COL18A1: variants seen among roughly 807,000 people sequenced by gnomAD.
The protein encoded by COL18A1 is collagen type XVIII alpha 1 chain.
A neutral mutation model predicts 168.0 loss-of-function variants in COL18A1; 133 were observed. The ratio of observed to expected loss-of-function variants is 0.79; its 90% CI spans 0.69 to 0.91. The LOEUF is 0.91. Ranked by LOEUF, COL18A1 falls within the 40% of genes least tolerant of loss-of-function variation. The pLI is 0.00. For missense variants in COL18A1, 2,126 were observed against 1,925.4 expected (o/e 1.10, Z -1.95); for synonymous variants, 949 against 809.0 (o/e 1.17, Z -2.94).
chr21:45,490,327 A>G lies in COL18A1; in HGVS notation c.2012A>G (p.Glu671Gly). The G allele has an allele frequency of 6.3e-7, 1 of 1,585,126 alleles. No individual in the cohort carries two copies. The highest frequency in any genetic ancestry group is 2.3e-5 in the East Asian group (1 of 43,576). ...VPGFPGLPGR[E>G]GIAGPQGPKG... Reference sequence around the variant, plus strand: ...GGGTTCCCCGGCCTCCCTGGCAGAGAGGGCATTGCTGGGCCCCAGGTGAGT... The same window carrying G: ...GGGTTCCCCGGCCTCCCTGGCAGAGGGGGCATTGCTGGGCCCCAGGTGAGT... The change falls in exon 20 of 42, where the codon GAG (glutamate) becomes GGG (glycine). Residue 671 changes from glutamate (E) to glycine (G), a missense_variant. Transcript: ENST00000651438.
chr21:45,472,837 G>A (rs1384937561), intron 3 of COL18A1, among the ~76,000 whole-genome samples: 7 of 152,042 alleles, frequency 4.6e-5, no homozygotes, highest in Non-Finnish European at 8.8e-5. Flanking sequence ...GCGTGCATAC[G>A]TGATCTCATG....
chr21:45,466,196 G>A (rs2035203493), intron 2 of COL18A1, among the ~76,000 whole-genome samples: 1 of 152,174 alleles, frequency 6.6e-6, no homozygotes, highest in Non-Finnish European at 1.5e-5. Context: ...GAGGGGCGGG[G>A]ACGTTCCACA....
At chr21:45,458,318 C>T (rs972091318) in intron 2 of COL18A1, among the ~76,000 whole-genome samples, 7 of 150,694 alleles carry the variant, frequency 4.6e-5, no homozygotes, top group South Asian at 2.1e-4. Flanking sequence ...ACCGTGCCCA[C>T]GGCTGTTGGC....
Position 45,480,809 on chromosome 21 carries a change from T to C in COL18A1, c.1562T>C (p.Leu521Pro). The C allele has an allele frequency of 6.2e-7, 1 of 1,612,060 alleles. No homozygotes were observed. The highest frequency in any genetic ancestry group is 1.1e-5 in the South Asian group (1 of 91,026). Residue 521 changes from leucine (L) to proline (P), a missense_variant, in exon 13 of 42, where the codon CTT becomes CCT. Physicochemically the swap from Leu to Pro is moderately conservative, Grantham distance 98 (BLOSUM62 -3). Coordinates refer to ENST00000651438, the MANE Select transcript of COL18A1 (RefSeq NM_001379500.1). ...NSSDVPGPAGLPGVPGREGPP... is the reference protein window; with the variant it reads ...NSSDVPGPAGPPGVPGREGPP... ...TCCGACGTCCCAGGACCCGCCGGCC[T>C]TCCTGGTGTGCCTGGGCGCGAGGGT...
intron 2 of COL18A1, among the ~76,000 whole-genome samples, chr21:45,454,417 C>T (rs922688210): frequency 7.9e-5 from 12 of 151,850 alleles, no homozygotes; most frequent in African/African-American, 2.2e-4. Context: ...GGCAGGGTGA[C>T]GAGGGACTCC....
In COL18A1 at chr21:45,480,169, C is replaced by T. The variant is rs968016938; in HGVS notation, c.1398+13C>T. On this transcript the variant is annotated intron_variant, in intron 11 of 41. Coordinates refer to ENST00000651438, the MANE Select transcript of COL18A1 (RefSeq NM_001379500.1). ...ACACGACAAGCTGGTAAGTCCCGCC[C>T]TTGGCTTCCTGCGACCCGGGGTCTG... is the stretch of plus-strand genomic sequence containing the variant. 2.0e-6 allele frequency: 3 copies of T among 1,490,588 alleles called. No individual in the cohort carries two copies. The highest frequency in any genetic ancestry group is 2.8e-6 in the Non-Finnish European group (3 of 1,073,946). The allele number at this position is 1,490,588 out of a possible 1,614,324, so 92.3% of individuals were successfully genotyped here. A position where few individuals can be genotyped will look rare whatever the true frequency, so the allele number is the denominator to read the frequency against.
At chr21:45,505,747 GCCCAGCA>G in intron 36 of COL18A1, 84 bp from the exon 37 acceptor site, 1 of 1,089,064 alleles carries the variant, frequency 9.2e-7, no homozygotes, top group Non-Finnish European at 1.3e-6. Context: ...TGCGGCCCCT[GCCCAGCA>G]CCCTGAAACG....
rs193246890 is a variant in COL18A1 at position 45,438,482 on chromosome 21, C to T, written c.107-29760C>T. On this transcript the variant is annotated intron_variant, in intron 2 of 41. Transcript: ENST00000651438. ...GTGCCTGGGCACGGAGTGCCGGTCA[C>T]ACTGTGCACCCATCCTTGTTTTCTC... 1.5e-3 allele frequency among the ~76,000 whole-genome samples: 235 copies of T among 152,354 alleles called. 1 individual carries two copies. Among genetic ancestry groups the T allele is most frequent in the African/African-American group, 5.5e-3 (228 of 41,582 alleles).
intron 2 of COL18A1, among the ~76,000 whole-genome samples, chr21:45,411,772 G>C (rs1189090039): frequency 7.4e-6 from 1 of 135,274 alleles, no homozygotes; most frequent in Non-Finnish European, 1.6e-5. Context: ...GGGGTGGGGG[G>C]GGGGCAGGCT....
At chr21:45,485,852 C>T (rs1283096280) in intron 15 of COL18A1, among the ~76,000 whole-genome samples, 3 of 152,252 alleles carry the variant, frequency 2.0e-5, no homozygotes, top group African/African-American at 7.2e-5. Context: ...CATATCAAGG[C>T]AGCGGGTCAC....
intron 2 of COL18A1, among the ~76,000 whole-genome samples, chr21:45,452,952 A>G (rs2034673093): frequency 6.6e-6 from 1 of 151,384 alleles, no homozygotes; most frequent in East Asian, 1.9e-4. Flanking sequence ...GCATGTATGT[A>G]CATGTGTGAC....
rs1419204674 is a variant in COL18A1 at position 45,471,074 on chromosome 21, C to T, written c.651+2288C>T. ...GCGCTACGGGCCTTGTGCTGCTGGG[C>T]CTGGGTGGCGCGCTACGGGCCGTGT... On this transcript the variant is annotated intron_variant, in intron 3 of 41. Coordinates refer to ENST00000651438, the MANE Select transcript of COL18A1 (RefSeq NM_001379500.1). This position sits in a 1 kb window ranked among gnomAD's most constrained non-coding sequence, Gnocchi z 4.4. Among the ~76,000 whole-genome samples the T allele has an allele frequency of 7.8e-6, 1 of 127,456 alleles. No homozygotes were observed. Among genetic ancestry groups the T allele is most frequent in the Non-Finnish European group, 1.8e-5 (1 of 54,420 alleles). 83.6% of individuals were successfully genotyped at this position (127,456 alleles called of 152,430 possible).
Position 45,471,785 on chromosome 21 carries a change from C to CT in COL18A1, c.652-2109dup, listed in dbSNP as rs1235926005. On this transcript the variant is annotated intron_variant, in intron 3 of 41. Coordinates refer to ENST00000651438, the MANE Select transcript of COL18A1 (RefSeq NM_001379500.1). This position sits in a 1 kb window ranked among gnomAD's most constrained non-coding sequence, Gnocchi z 4.4. ...TGTCCTGATTTCCAGGGCGCTGAGGCTGCAGCGTGTCGGGAAGCATTTTAC... is the reference window on the plus strand; with the variant it reads ...TGTCCTGATTTCCAGGGCGCTGAGGCTTGCAGCGTGTCGGGAAGCATTTTAC... Among the ~76,000 whole-genome samples, 2 of 152,094 alleles carry CT rather than the reference C, an allele frequency of 1.3e-5. No homozygotes were observed. Among genetic ancestry groups the CT allele is most frequent in the Non-Finnish European group, 2.9e-5 (2 of 68,036 alleles).
rs1439007572 is a variant in COL18A1 at position 45,486,986 on chromosome 21, T to C, written c.1827T>C (p.Ala609=). 2.0e-6 allele frequency: 3 copies of C among 1,522,424 alleles called. No homozygotes were observed. Among genetic ancestry groups the C allele is most frequent in the Admixed American group, 2.1e-5 (1 of 46,734 alleles). The allele number at this position is 1,522,424 out of a possible 1,614,324, so 94.3% of individuals were successfully genotyped here. Residue 609 remains alanine (A), a synonymous_variant, in exon 16 of 42, where the codon GCT becomes GCC. Coordinates refer to ENST00000651438, the MANE Select transcript of COL18A1 (RefSeq NM_001379500.1). ...PPGPPGPGLP[A]GFDDMEGSGG... ...GGCCCCCAGGACCAGGACTCCCCGC[T>C]GGATTTGTGAGTACCGCCTACACCT...
Position 45,494,689 on chromosome 21 carries a change from G to A in COL18A1, c.2379+118G>A, listed in dbSNP as rs570056357. 39 of 1,484,520 alleles carry A rather than the reference G, an allele frequency of 2.6e-5. No individual in the cohort carries two copies. The African/African-American group carries it at 5.3e-4, about 20-fold the overall frequency. 92.0% of individuals were successfully genotyped at this position (1,484,520 alleles called of 1,614,324 possible). On this transcript the variant is annotated intron_variant, in intron 27 of 41. Coordinates refer to ENST00000651438, the MANE Select transcript of COL18A1 (RefSeq NM_001379500.1). The stretch of plus-strand genomic sequence containing the variant: ...GCCCAGGGCTCATCTCCCTAGTGCA[G>A]TTTTAAAGCGTGTGGGGCAGGTGTC...
At chr21:45,484,894 T>A (rs1001429558) in intron 15 of COL18A1, among the ~76,000 whole-genome samples, 2 of 152,004 alleles carry the variant, frequency 1.3e-5, no homozygotes, top group African/African-American at 2.4e-5. Context: ...ATGAAAGTTT[T>A]AAAAAAACAA....
At chr21:45,470,706 C>T (rs558269529) in intron 3 of COL18A1, among the ~76,000 whole-genome samples, 3 of 152,160 alleles carry the variant, frequency 2.0e-5, no homozygotes, top group East Asian at 1.9e-4. Flanking sequence ...AGGCTGGTCT[C>T]GAACTCCCGA....
chr21:45,466,488 G>C lies in COL18A1; in HGVS notation c.107-1754G>C, dbSNP rs997859914. 2.6e-5 allele frequency among the ~76,000 whole-genome samples: 4 copies of C among 152,330 alleles called. No homozygotes were observed. The East Asian group carries it at 7.7e-4, about 29-fold the overall frequency. ...TCGCACCCGGGAAGGCTGAGCTCTC[G>C]CACCCGGGAAGGCTGAGCTCTCGAA... On this transcript the variant is annotated intron_variant, in intron 2 of 41. Coordinates refer to ENST00000651438, the MANE Select transcript of COL18A1 (RefSeq NM_001379500.1).
intron 3 of COL18A1, among the ~76,000 whole-genome samples, chr21:45,469,000 T>C (rs1416016102): frequency 6.6e-6 from 1 of 152,200 alleles, no homozygotes; most frequent in Admixed American, 6.5e-5. Flanking sequence ...CCGGCCTGGC[T>C]GGGGTGGCAT....
Sources: allele counts gnomAD v4.1 joint callset (sites outside exome capture counted in the v4.1 genomes callset), GRCh38; gene constraint gnomAD v4.1.1; non-coding constraint Gnocchi (gnomAD v3.1); transcripts MANE v1.5; gene names NCBI Gene and HGNC (gene_info 2026-07-23, HGNC 2026-07-21).